The following CDH13 variants were observed in gnomAD, a reference collection of about 807,000 sequenced individuals.
The protein encoded by CDH13 is cadherin-13.
Under a neutral mutation model 63.8 loss-of-function variants are expected in CDH13, and 24 were observed. The observed-to-expected ratio is 0.38, with a 90% CI of 0.27 to 0.53. The LOEUF is 0.53. Among genes scored for constraint, CDH13 ranks in the 20% least tolerant of loss-of-function variants. The pLI, the probability that CDH13 is intolerant of heterozygous loss-of-function variation, is 0.85. For missense variants in CDH13, 1,049 were observed against 903.1 expected (o/e 1.16, Z -2.07); for synonymous variants, 503 against 355.3 (o/e 1.42, Z -4.67).
chr16:83,487,655 C>G (rs2073920774), intron 7 of CDH13, among the ~76,000 whole-genome samples: 1 of 152,158 alleles, frequency 6.6e-6, no homozygotes, highest in South Asian at 2.1e-4. Context: ...AAACCTGCTA[C>G]CATTCTGGAA....
intron 1 of CDH13, among the ~76,000 whole-genome samples, chr16:82,781,300 G>A (rs1389008543): frequency 6.6e-6 from 1 of 152,190 alleles, no homozygotes; most frequent in African/African-American, 2.4e-5. Flanking sequence ...CAGCTTTAGG[G>A]AAATGCAGAC....
At chr16:83,507,768 C>T (rs1359779362) in intron 7 of CDH13, among the ~76,000 whole-genome samples, 1 of 151,994 alleles carries the variant, frequency 6.6e-6, no homozygotes, top group Non-Finnish European at 1.5e-5. Context: ...GGTGCGGTGG[C>T]TCATGCTTGT....
At chr16:83,631,663 C>A (rs552125047) in intron 8 of CDH13, among the ~76,000 whole-genome samples, 1 of 152,182 alleles carries the variant, frequency 6.6e-6, no homozygotes, top group Admixed American at 6.5e-5. Flanking sequence ...TTAGGAACCA[C>A]GGAAGTGACA....
chr16:82,711,397 T>C (rs866332564), intron 1 of CDH13, among the ~76,000 whole-genome samples: 1 of 152,120 alleles, frequency 6.6e-6, no homozygotes, highest in African/African-American at 2.4e-5. Flanking sequence ...CTTGGGATTC[T>C]GGAATGGGGA....
intron 2 of CDH13, among the ~76,000 whole-genome samples, chr16:82,930,213 G>A (rs548660009): frequency 1.8e-4 from 28 of 152,076 alleles, no homozygotes; most frequent in African/African-American, 6.7e-4. Context: ...CTGGCCTTAA[G>A]AGATTCACCT....
At chr16:83,500,179 G>A (rs1032883920) in intron 7 of CDH13, among the ~76,000 whole-genome samples, 1 of 151,370 alleles carries the variant, frequency 6.6e-6, no homozygotes, top group African/African-American at 2.4e-5. Flanking sequence ...ATAACACCAT[G>A]ATGGGTCAAG....
At chr16:82,672,312 A>T (rs1181233829) in intron 1 of CDH13, among the ~76,000 whole-genome samples, 8 of 152,176 alleles carry the variant, frequency 5.3e-5, no homozygotes, top group Admixed American at 3.3e-4. Flanking sequence ...TTACTCCTTG[A>T]TAGATAGCTA....
chr16:83,302,248 G>A (rs948169768), intron 5 of CDH13, among the ~76,000 whole-genome samples: 1 of 152,066 alleles, frequency 6.6e-6, no homozygotes, highest in South Asian at 2.1e-4. Context: ...TTTACTTCCC[G>A]GATATTCATC....
intron 6 of CDH13, among the ~76,000 whole-genome samples, chr16:83,347,220 T>C (rs1043964063): frequency 6.6e-6 from 1 of 152,120 alleles, no homozygotes; most frequent in Non-Finnish European, 1.5e-5. Context: ...TTACAAGTAA[T>C]AACAAACCCT....
chr16:83,542,777 T>A (rs1335272461), intron 7 of CDH13, among the ~76,000 whole-genome samples: 1 of 152,222 alleles, frequency 6.6e-6, no homozygotes, highest in Non-Finnish European at 1.5e-5. Flanking sequence ...GTTTTCCTTG[T>A]CTGAACATCT....
At chr16:83,019,755 C>G (rs548865677) in intron 2 of CDH13, among the ~76,000 whole-genome samples, 1 of 148,478 alleles carries the variant, frequency 6.7e-6, no homozygotes, top group Admixed American at 6.8e-5. Flanking sequence ...CTGGGCCTCC[C>G]AAAGTGCTGG....
intron 7 of CDH13, among the ~76,000 whole-genome samples, chr16:83,561,600 C>T (rs1240330236): frequency 6.6e-6 from 1 of 152,184 alleles, no homozygotes; most frequent in East Asian, 1.9e-4. Context: ...CTGGTCTAAG[C>T]ACTTTACAGG....
intron 7 of CDH13, among the ~76,000 whole-genome samples, chr16:83,587,974 C>T (rs116957939): frequency 0.027 from 4,016 of 151,014 alleles, 69 homozygotes; most frequent in African/African-American, 0.046. Context: ...AGATCATTTC[C>T]GTCCAAACCT....
chr16:82,773,322 C>T (rs1457942934), intron 1 of CDH13: 4 of 152,264 alleles, frequency 2.6e-5, no homozygotes, highest in Non-Finnish European at 5.9e-5. Context: ...CTGGCTTGCC[C>T]ATCCCTGGAT....
rs184863431 is a variant in CDH13 at position 83,782,395 on chromosome 16, G to A, written c.1916-859G>A. ...CTTAAAGATCCAGTCTCTATGTTGC[G>A]GGTTCCCACCCAAATGTAGAGCTGT... On this transcript the variant is annotated intron_variant, in intron 12 of 13. Coordinates refer to ENST00000567109, the MANE Select transcript of CDH13 (RefSeq NM_001257.5). Among the ~76,000 whole-genome samples, 17 of 152,048 alleles carry A rather than the reference G, an allele frequency of 1.1e-4. No individual in the cohort carries two copies. In the East Asian group the frequency reaches 2.5e-3, roughly 23 times the overall value.
intron 7 of CDH13, among the ~76,000 whole-genome samples, chr16:83,582,545 T>C (rs565877747): frequency 6.6e-6 from 1 of 152,086 alleles, no homozygotes; most frequent in Non-Finnish European, 1.5e-5. Context: ...GATAAATGGA[T>C]CCTTCCCAGC....
In CDH13 at chr16:83,033,143, T is replaced by C. The variant is rs568833124; in HGVS notation, c.366+925T>C. 5.9e-5 allele frequency among the ~76,000 whole-genome samples: 9 copies of C among 152,332 alleles called. No individual in the cohort carries two copies. In the East Asian group the frequency reaches 1.5e-3, roughly 26 times the overall value. On this transcript the variant is annotated intron_variant, in intron 3 of 13. Transcript: ENST00000567109. The stretch of plus-strand genomic sequence containing the variant: ...TGTGCATGTAATGTATACACATATG[T>C]ATACATCCACATTTAATATATCAAA...
At position 83,001,376 on chromosome 16, in the gene CDH13, G is replaced by C. The variant is rs150242729; in HGVS notation, c.158-30634G>C. On this transcript the variant is annotated intron_variant, in intron 2 of 13. Coordinates refer to ENST00000567109, the MANE Select transcript of CDH13 (RefSeq NM_001257.5). ...TTAAATGAGTTTATTGTGCATTCAA[G>C]TGAGGGTTATTCAGCATGTTCAAGC... Among the ~76,000 whole-genome samples, 49 of 152,354 alleles carry C rather than the reference G, an allele frequency of 3.2e-4. 1 individual carries two copies. In the East Asian group the frequency reaches 9.2e-3, roughly 29 times the overall value.
At chr16:83,132,299 G>T (rs992959315) in intron 4 of CDH13, among the ~76,000 whole-genome samples, 18 of 152,018 alleles carry the variant, frequency 1.2e-4, no homozygotes, top group African/African-American at 4.3e-4. Flanking sequence ...CACTTACTGG[G>T]TTGTCTAGGG....
Sources: gnomAD v4.1 joint callset for allele counts (sites outside exome capture counted in the v4.1 genomes callset) on GRCh38, gnomAD v4.1.1 for gene constraint, MANE v1.5 for transcripts, NCBI Gene and HGNC (gene_info 2026-07-23, HGNC 2026-07-21) for gene names.